TSGA10: variants seen among roughly 807,000 people sequenced by gnomAD.
The protein encoded by TSGA10 is testis specific 10.
A neutral mutation model predicts 96.6 loss-of-function variants in TSGA10; 43 were observed. That is an observed-to-expected ratio of 0.44 (90% CI 0.35 to 0.57). The LOEUF (loss-of-function observed/expected upper bound fraction) is 0.57. Among genes scored for constraint, TSGA10 ranks in the 20% least tolerant of loss-of-function variants. The pLI is 0.01. For missense variants in TSGA10, 703 were observed against 834.4 expected (o/e 0.84, Z 1.94); for synonymous variants, 229 against 269.9 (o/e 0.85, Z 1.48).
At chr2:99,122,615 CAAAAAAA>C (rs148224475) in intron 2 of TSGA10, among the ~76,000 whole-genome samples, 246 of 53,284 alleles carry the variant, frequency 4.6e-3, no homozygotes, top group African/African-American at 0.015. Flanking sequence ...CCATCTCTAC[CAAAAAAA>C]AAAAAAAAAA....
At chr2:99,011,455 C>T (rs1167956826) in intron 20 of TSGA10, among the ~76,000 whole-genome samples, 2 of 151,952 alleles carry the variant, frequency 1.3e-5, no homozygotes, top group Non-Finnish European at 2.9e-5. Context: ...TAGAATTAGC[C>T]CAATCAGACA....
At chr2:99,092,033 C>T (rs2089416809) in intron 10 of TSGA10, among the ~76,000 whole-genome samples, 2 of 152,012 alleles carry the variant, frequency 1.3e-5, no homozygotes, top group African/African-American at 4.8e-5. Flanking sequence ...TATCATAGGC[C>T]ACCAAACAAG....
chr2:99,006,974 G>C (rs1372557004), intron 20 of TSGA10, among the ~76,000 whole-genome samples: 1 of 152,124 alleles, frequency 6.6e-6, no homozygotes, highest in Non-Finnish European at 1.5e-5. Flanking sequence ...CATAAAAAAT[G>C]AGCTTATGTC....
chr2:99,123,255 T>A (rs962494824), intron 2 of TSGA10, among the ~76,000 whole-genome samples: 8 of 152,212 alleles, frequency 5.3e-5, no homozygotes, highest in African/African-American at 9.7e-5. Flanking sequence ...TTCTTTCATC[T>A]GTTTTATGTC....
intron 1 of TSGA10, among the ~76,000 whole-genome samples, chr2:99,128,153 G>C (rs948602000): frequency 6.6e-6 from 1 of 152,132 alleles, no homozygotes; most frequent in African/African-American, 2.4e-5. Context: ...GGGAATTACA[G>C]AATCAGGATC....
intron 16 of TSGA10, among the ~76,000 whole-genome samples, chr2:99,046,679 A>G (rs1369110908): frequency 6.6e-6 from 1 of 152,210 alleles, no homozygotes; most frequent in East Asian, 1.9e-4. Flanking sequence ...AAGCAAGAGC[A>G]AACACATTCA....
chr2:99,053,512 G>C (rs184358977), intron 16 of TSGA10, among the ~76,000 whole-genome samples: 4 of 152,176 alleles, frequency 2.6e-5, no homozygotes, highest in Admixed American at 2.6e-4. Flanking sequence ...GATAAAAGTC[G>C]TATGATAATC....
At chr2:99,032,369 T>C (rs2081218050) in intron 17 of TSGA10, among the ~76,000 whole-genome samples, 1 of 152,142 alleles carries the variant, frequency 6.6e-6, no homozygotes, top group Non-Finnish European at 1.5e-5. Context: ...ACGCTGCATT[T>C]AAAAGAAAAT....
At chr2:99,141,801 A>G (rs1484769240) in intron 1 of TSGA10, 1 of 152,524 alleles carries the variant, frequency 6.6e-6, no homozygotes, top group African/African-American at 2.4e-5. Flanking sequence ...ATCATTCTGG[A>G]CCCATGTTCG....
intron 5 of TSGA10, 87 bp downstream of exon 5, chr2:99,110,763 G>T: frequency 7.6e-6 from 2 of 262,820 alleles, no homozygotes; most frequent in Non-Finnish European, 1.2e-5. Flanking sequence ...CTCACAAAAC[G>T]TGTGAGAGCC....
intron 1 of TSGA10, among the ~76,000 whole-genome samples, chr2:99,131,118 G>C (rs1002023475): frequency 2.2e-4 from 33 of 151,966 alleles, no homozygotes; most frequent in African/African-American, 7.5e-4. Flanking sequence ...GGCTATATGG[G>C]GTCTTTTTTG....
At chr2:99,071,378 T>C (rs1004840578) in intron 14 of TSGA10, among the ~76,000 whole-genome samples, 1 of 129,248 alleles carries the variant, frequency 7.7e-6, no homozygotes, top group African/African-American at 3.5e-5. Context: ...TGTAGTCCAT[T>C]TTTTTAAAAA....
chr2:99,050,216 T>C (rs1459079199), intron 16 of TSGA10, among the ~76,000 whole-genome samples: 1 of 152,122 alleles, frequency 6.6e-6, no homozygotes, highest in Non-Finnish European at 1.5e-5. Context: ...CCCTCATTTT[T>C]CCTCTCAGGT....
chr2:99,117,813 G>T, intron 3 of TSGA10, 54 bp from the exon 4 acceptor site: 2 of 878,026 alleles, frequency 2.3e-6, no homozygotes, highest in Non-Finnish European at 2.7e-6. Context: ...CTTTTTTCTG[G>T]GGAGCAGCTG....
At chr2:99,004,508 A>G (rs963787489) in intron 20 of TSGA10, among the ~76,000 whole-genome samples, 1 of 152,114 alleles carries the variant, frequency 6.6e-6, no homozygotes, top group Non-Finnish European at 1.5e-5. Flanking sequence ...AGAATACTAC[A>G]AACACCTCTA....
rs541787453 is a variant in TSGA10, at chr2:99,063,145, C to T, written c.1404+1794G>A. On this transcript the variant is annotated intron_variant, in intron 16 of 20. Coordinates refer to ENST00000393483, the MANE Select transcript of TSGA10 (RefSeq NM_025244.4). ...TTATATTTCAGAGAAGAAAGGACAACGGATATCTATTCACAAAAATAAAAA... is the reference window on the plus strand; with the variant it reads ...TTATATTTCAGAGAAGAAAGGACAATGGATATCTATTCACAAAAATAAAAA... 6.0e-4 allele frequency among the ~76,000 whole-genome samples: 91 copies of T among 152,218 alleles called. 1 individual carries two copies. The highest frequency in any genetic ancestry group is 3.4e-3 in the Middle Eastern group (1 of 294).
Position 99,105,584 on chromosome 2 carries a change from G to C in TSGA10, c.324C>G (p.Ala108=). The part of the protein sequence containing the change: ...LRRVETERDV[A]FTDLRRMTTE... ...TGGTCATTCTTCGTAAATCAGTAAA[G>C]GCTACATCTCTTTCAGTCTCCACTC... The change falls in exon 8 of 21, where the codon GCC becomes GCG. Residue 108 remains alanine (A), a synonymous_variant. Coordinates refer to ENST00000393483, the MANE Select transcript of TSGA10 (RefSeq NM_025244.4). 6.2e-7 allele frequency: 1 copy of C among 1,611,826 alleles called. No homozygotes were observed. Among genetic ancestry groups the C allele is most frequent in the Non-Finnish European group, 8.5e-7 (1 of 1,178,104 alleles).
chr2:99,101,719 G>A (rs1050874681), intron 10 of TSGA10, among the ~76,000 whole-genome samples: 6 of 152,188 alleles, frequency 3.9e-5, no homozygotes, highest in African/African-American at 1.4e-4. Context: ...TCAGCCTCAA[G>A]AAAGGAGGAA....
intron 10 of TSGA10, chr2:99,102,118 T>A (rs1342907304): frequency 1.2e-5 from 17 of 1,452,704 alleles, no homozygotes; most frequent in Non-Finnish European, 1.5e-5. Flanking sequence ...CAAGAAGAGT[T>A]AGATAGGGGT....
Sources: gnomAD v4.1 joint callset for allele counts (sites outside exome capture counted in the v4.1 genomes callset) on GRCh38, gnomAD v4.1.1 for gene constraint, MANE v1.5 for transcripts, NCBI Gene and HGNC (gene_info 2026-07-23, HGNC 2026-07-21) for gene names.